SRPK2: variants seen among roughly 807,000 people sequenced by gnomAD.
SRPK2 encodes the protein SRSF protein kinase 2.
In SRPK2, 21 loss-of-function variants were observed where a neutral mutation model predicts 90.8. The observed-to-expected ratio is 0.23, with a 90% CI of 0.16 to 0.33. SRPK2 has a LOEUF of 0.33. SRPK2 is among the 10% of genes least tolerant of loss of function. SRPK2 has a pLI of 1.00. For missense variants in SRPK2, 620 were observed against 869.0 expected (o/e 0.71, Z 3.60); for synonymous variants, 288 against 311.1 (o/e 0.93, Z 0.78).
In SRPK2 at chr7:105,130,410, C is replaced by T. The variant is rs188161367; in HGVS notation, c.1752+2381G>A. ...ACAAAAAATACAAAAATTAGCCAGG[C>T]GTGGTGGCATGTGCCTGTAGTCCCA... On this transcript the variant is annotated intron_variant, in intron 13 of 15. Coordinates refer to ENST00000393651, the MANE Select transcript of SRPK2 (RefSeq NM_182692.3). Among the ~76,000 whole-genome samples the T allele has an allele frequency of 1.1e-4, 16 of 152,108 alleles. No homozygotes were observed. The East Asian group carries it at 1.7e-3, about 17-fold the overall frequency.
chr7:105,115,853 C>A (rs1316590187), downstream of SRPK2, among the ~76,000 whole-genome samples: 1 of 152,018 alleles, frequency 6.6e-6, no homozygotes, highest in Admixed American at 6.6e-5. Flanking sequence ...TAAATTATGC[C>A]CTATGGTTCT....
At chr7:105,193,595 T>C (rs1004621052) in intron 3 of SRPK2, among the ~76,000 whole-genome samples, 3 of 152,212 alleles carry the variant, frequency 2.0e-5, no homozygotes, top group Admixed American at 6.5e-5. Context: ...TTGATGGGAA[T>C]TGCACCGAAT....
At chr7:105,344,235 A>T (rs975785383) in intron 2 of SRPK2, among the ~76,000 whole-genome samples, 8 of 152,074 alleles carry the variant, frequency 5.3e-5, no homozygotes, top group African/African-American at 1.9e-4. Context: ...CACACAGACA[A>T]TATGTAAACA....
Position 105,143,128 on chromosome 7 carries a change from G to A in SRPK2, c.1016C>T (p.Thr339Ile). Residue 339 changes from threonine to isoleucine, a missense_variant, in exon 10 of 16, where the codon ACA (threonine) becomes ATA (isoleucine). Thr to Ile is a moderately conservative substitution (Grantham distance 89). Coordinates refer to ENST00000393651, the MANE Select transcript of SRPK2 (RefSeq NM_182692.3). ...EYCPEVKLKT[T>I]GLEEAAEAET... Reference sequence around the variant, plus strand: ...TGCCTCAGCCGCCTCCTCTAATCCTGTTGTTTTTAGTTTCACCTCTGGGCA... The same window carrying A: ...TGCCTCAGCCGCCTCCTCTAATCCTATTGTTTTTAGTTTCACCTCTGGGCA... 6.2e-7 allele frequency: 1 copy of A among 1,614,096 alleles called. No individual in the cohort carries two copies. Among genetic ancestry groups the A allele is most frequent in the African/African-American group, 1.3e-5 (1 of 75,016 alleles).
chr7:105,375,038 T>C (rs1432495826), intron 2 of SRPK2, among the ~76,000 whole-genome samples: 1 of 152,162 alleles, frequency 6.6e-6, no homozygotes, highest in Non-Finnish European at 1.5e-5. Context: ...TAACAAAATA[T>C]TAGCAACATC....
At chr7:105,289,719 A>T (rs756917185) in intron 2 of SRPK2, among the ~76,000 whole-genome samples, 1 of 152,188 alleles carries the variant, frequency 6.6e-6, no homozygotes, top group Non-Finnish European at 1.5e-5. Flanking sequence ...TCACTGAAGT[A>T]ACACTTTAAA....
At chr7:105,390,344 G>T (rs915331769), upstream of SRPK2, among the ~76,000 whole-genome samples, 1 of 152,070 alleles carries the variant, frequency 6.6e-6, no homozygotes, top group African/African-American at 2.4e-5. Flanking sequence ...TACCATTAAG[G>T]ATCATCCGTT....
chr7:105,137,545 G>C (rs745869976), intron 11 of SRPK2, among the ~76,000 whole-genome samples: 8 of 152,126 alleles, frequency 5.3e-5, no homozygotes, highest in Non-Finnish European at 1.5e-5. Context: ...GACACAGAAA[G>C]GATTCCAGAA....
At chr7:105,309,741 T>C (rs544137190) in intron 2 of SRPK2, among the ~76,000 whole-genome samples, 27 of 152,202 alleles carry the variant, frequency 1.8e-4, no homozygotes, top group Non-Finnish European at 4.4e-5. Flanking sequence ...GTCAACCACA[T>C]GATCACATCT....
chr7:105,311,590 T>A (rs913772906), intron 2 of SRPK2, among the ~76,000 whole-genome samples: 4 of 152,076 alleles, frequency 2.6e-5, no homozygotes, highest in Non-Finnish European at 5.9e-5. Flanking sequence ...CAAAAACACA[T>A]GAAAAGATGC....
chr7:105,151,567 C>T (rs544745450), intron 7 of SRPK2, among the ~76,000 whole-genome samples: 6 of 152,158 alleles, frequency 3.9e-5, no homozygotes, highest in Non-Finnish European at 2.9e-5. Context: ...GATGGGATCC[C>T]GCTATGTTCC....
chr7:105,247,531 AACACAC>A lies in SRPK2; in HGVS notation c.72-43752_72-43747del, dbSNP rs59040708. Among the ~76,000 whole-genome samples, 1,401 of 145,256 alleles carry A rather than the reference AACACAC, an allele frequency of 9.6e-3. 10 individuals are homozygous for A. Among genetic ancestry groups the A allele is most frequent in the Middle Eastern group, 0.021 (6 of 290 alleles). On this transcript the variant is annotated intron_variant, in intron 2 of 15. Transcript: ENST00000393651. The stretch of plus-strand genomic sequence containing the variant: ...ATACCAAAAAACACACACACACATA[AACACAC>A]ACACACACACACACACACACACACA...
At chr7:105,348,614 G>C (rs1323624487) in intron 2 of SRPK2, among the ~76,000 whole-genome samples, 3 of 150,762 alleles carry the variant, frequency 2.0e-5, no homozygotes, top group Admixed American at 6.6e-5. Flanking sequence ...GTAGAGATGA[G>C]ATTTCACCAT....
At chr7:105,245,441 G>A (rs566286157) in intron 2 of SRPK2, among the ~76,000 whole-genome samples, 1 of 152,206 alleles carries the variant, frequency 6.6e-6, no homozygotes, top group Non-Finnish European at 1.5e-5. Context: ...ACCAGACTGT[G>A]AACGACCTGT....
chr7:105,331,572 A>G (rs1814413897), intron 2 of SRPK2, among the ~76,000 whole-genome samples: 1 of 152,174 alleles, frequency 6.6e-6, no homozygotes, highest in African/African-American at 2.4e-5. Context: ...AAACCTTTGC[A>G]AAGTTCACTC....
At chr7:105,394,443 T>C (rs1044521351) in intron 1 of SRPK2, among the ~76,000 whole-genome samples, 4 of 152,166 alleles carry the variant, frequency 2.6e-5, no homozygotes, top group Non-Finnish European at 4.4e-5. Flanking sequence ...CCCAGCCAAT[T>C]TGTGGCCAGA....
intron 2 of SRPK2, among the ~76,000 whole-genome samples, chr7:105,379,405 G>T (rs1820678547): frequency 6.6e-6 from 1 of 152,072 alleles, no homozygotes; most frequent in Admixed American, 6.6e-5. Flanking sequence ...AGTATCCTCA[G>T]ACTTTGTTAT....
chr7:105,281,177 A>G (rs1446843713), intron 2 of SRPK2, among the ~76,000 whole-genome samples: 1 of 150,772 alleles, frequency 6.6e-6, no homozygotes, highest in African/African-American at 2.4e-5. Context: ...GCTCACTGCA[A>G]CCTCCACCTC....
rs1474922230 is a variant in SRPK2, at chr7:105,179,826, A to G, written c.230-10561T>C. Among the ~76,000 whole-genome samples, 15 of 9,658 alleles carry G rather than the reference A, an allele frequency of 1.6e-3. No individual in the cohort carries two copies. In the East Asian group the frequency reaches 0.076, roughly 49 times the overall value. The allele number at this position is 9,658 out of a possible 152,430, so 6.3% of individuals were successfully genotyped here. The stretch of plus-strand genomic sequence containing the variant: ...GGCAACACAGTAAGAGTCCATCTCA[A>G]AAAAAAAAAAAAAAAAAAAAAAGAA... On this transcript the variant is annotated intron_variant, in intron 3 of 15. Coordinates refer to ENST00000393651, the MANE Select transcript of SRPK2 (RefSeq NM_182692.3).
Sources: allele counts gnomAD v4.1 joint callset (sites outside exome capture counted in the v4.1 genomes callset), GRCh38; gene constraint gnomAD v4.1.1; transcripts MANE v1.5; gene names NCBI Gene and HGNC (gene_info 2026-07-23, HGNC 2026-07-21).